Variants in FSHR observed in about 807,000 individuals in gnomAD.
The protein encoded by FSHR is follicle stimulating hormone receptor.
A neutral mutation model predicts 52.1 loss-of-function variants in FSHR; 46 were observed. The ratio of observed to expected loss-of-function variants is 0.88; its 90% CI spans 0.70 to 1.13. FSHR has a LOEUF of 1.13. Among genes scored for constraint, FSHR ranks in the 50% most tolerant of loss-of-function variants. The pLI, the probability that FSHR is intolerant of heterozygous loss-of-function variation, is 0.00. For missense variants in FSHR, 964 were observed against 834.6 expected (o/e 1.16, Z -1.91); for synonymous variants, 399 against 309.6 (o/e 1.29, Z -3.03).
At chr2:49,138,573 T>C (rs1465147984) in intron 1 of FSHR, among the ~76,000 whole-genome samples, 2 of 152,158 alleles carry the variant, frequency 1.3e-5, no homozygotes, top group Admixed American at 1.3e-4. Context: ...CTTGAAAATA[T>C]TATCCTAAGT....
intron 1 of FSHR, among the ~76,000 whole-genome samples, chr2:49,102,887 A>G (rs940063544): frequency 1.3e-5 from 2 of 152,168 alleles, no homozygotes; most frequent in East Asian, 3.8e-4. Context: ...AGTGAGATCA[A>G]GGATGGAAAG....
At chr2:48,996,247 T>C (rs1676018161) in intron 4 of FSHR, among the ~76,000 whole-genome samples, 1 of 152,134 alleles carries the variant, frequency 6.6e-6, no homozygotes, top group Non-Finnish European at 1.5e-5. Flanking sequence ...CTGACCATTC[T>C]GAGAGAAGTT....
chr2:49,094,825 CA>C (rs1390657519), intron 1 of FSHR, among the ~76,000 whole-genome samples: 1 of 151,640 alleles, frequency 6.6e-6, no homozygotes, highest in Non-Finnish European at 1.5e-5. Flanking sequence ...AATAGAAAAA[CA>C]ATATAAAAAA....
intron 6 of FSHR, among the ~76,000 whole-genome samples, chr2:48,986,884 A>G (rs1675538828): frequency 6.6e-6 from 1 of 152,220 alleles, no homozygotes; most frequent in African/African-American, 2.4e-5. Context: ...AGAACAATAT[A>G]AGCACACTAT....
intron 1 of FSHR, among the ~76,000 whole-genome samples, chr2:49,132,986 A>AAAAAAAAAAAAAAAAAAAAAAAAG (rs1672343708): frequency 6.7e-6 from 1 of 149,596 alleles, no homozygotes; most frequent in African/African-American, 2.5e-5. Context: ...AAAAAAAAAA[A>AAAAAAAAAAAAAAAAAAAAAAAAG]AAAAAAAAAG....
chr2:49,059,988 A>G (rs1163628171), intron 2 of FSHR, among the ~76,000 whole-genome samples: 2 of 152,000 alleles, frequency 1.3e-5, no homozygotes, highest in African/African-American at 4.8e-5. Flanking sequence ...AGAATATATA[A>G]GAAACTCAAA....
rs1558395132 is a variant in FSHR, at chr2:49,021,834, TCTCTC to T, written c.225-1679_225-1675del. Among the ~76,000 whole-genome samples the T allele has an allele frequency of 6.7e-3, 161 of 24,120 alleles. 2 individuals are homozygous for T. The highest frequency in any genetic ancestry group is 0.015 in the African/African-American group (125 of 8,306). 15.8% of individuals were successfully genotyped at this position (24,120 alleles called of 152,430 possible). On this transcript the variant is annotated intron_variant, in intron 2 of 9. Transcript: ENST00000406846. The stretch of plus-strand genomic sequence containing the variant: ...TAAATAAGGGTGGGGTATGTGTTTC[TCTCTC>T]TCTCTCTCTCTCTCTCTCTCTCTCT...
At chr2:49,086,302 T>A (rs1479122175) in intron 1 of FSHR, among the ~76,000 whole-genome samples, 2 of 152,112 alleles carry the variant, frequency 1.3e-5, no homozygotes, top group Non-Finnish European at 2.9e-5. Context: ...AAATTGCAGA[T>A]TTATGGCTTC....
At chr2:49,060,393 A>G (rs1270188731) in intron 2 of FSHR, among the ~76,000 whole-genome samples, 3 of 152,162 alleles carry the variant, frequency 2.0e-5, no homozygotes, top group African/African-American at 7.2e-5. Context: ...TACCTTGACC[A>G]CTCAGAGAAG....
At chr2:49,099,974 C>T (rs1456907014) in intron 1 of FSHR, among the ~76,000 whole-genome samples, 1 of 152,044 alleles carries the variant, frequency 6.6e-6, no homozygotes, top group East Asian at 1.9e-4. Context: ...AAATCCAAAG[C>T]TAAGGAAGGG....
chr2:48,962,626 T>C lies in FSHR; in HGVS notation c.*107A>G. On this transcript the variant is annotated 3_prime_UTR_variant, in exon 10 of 10. Coordinates refer to ENST00000406846, the MANE Select transcript of FSHR (RefSeq NM_000145.4). The stretch of plus-strand genomic sequence containing the variant: ...TTACCTTAAAGGTATGCCAGGAATA[T>C]TAAATTAGATGAAATGTGTAGAAGC... 1 of 1,158,000 alleles carries C rather than the reference T, an allele frequency of 8.6e-7. No individual in the cohort carries two copies. The highest frequency in any genetic ancestry group is 1.3e-6 in the Non-Finnish European group (1 of 784,250). 71.7% of individuals were successfully genotyped at this position (1,158,000 alleles called of 1,614,324 possible). A position where few individuals can be genotyped will look rare whatever the true frequency, so the allele number is the denominator to read the frequency against.
At chr2:49,020,958 G>T (rs950963875) in intron 2 of FSHR, among the ~76,000 whole-genome samples, 3 of 152,092 alleles carry the variant, frequency 2.0e-5, no homozygotes, top group Non-Finnish European at 4.4e-5. Context: ...TTGAGGGAGG[G>T]AGAGCATTAG....
intron 1 of FSHR, among the ~76,000 whole-genome samples, chr2:49,075,840 A>G (rs773228664): frequency 5.3e-5 from 8 of 151,960 alleles, no homozygotes; most frequent in Non-Finnish European, 8.8e-5. Context: ...GGGTTTTACC[A>G]TATTGCCCAG....
chr2:49,023,890 A>C (rs1667828418), intron 2 of FSHR, among the ~76,000 whole-genome samples: 2 of 152,130 alleles, frequency 1.3e-5, no homozygotes, highest in South Asian at 2.1e-4. Context: ...TGGGTTTCAG[A>C]GCCATTATGA....
rs565690976 is a variant in FSHR, at chr2:49,020,891, G to C, written c.225-731C>G. ...CTTATAAGTGGGAGCTAAACAATGA[G>C]AACACATGAACACAGGGAGGGGAAC... On this transcript the variant is annotated intron_variant, in intron 2 of 9. Transcript: ENST00000406846. Among the ~76,000 whole-genome samples the C allele has an allele frequency of 2.0e-4, 30 of 152,192 alleles. No homozygotes were observed. The East Asian group carries it at 5.8e-3, about 29-fold the overall frequency.
At chr2:49,046,731 G>A (rs373825139) in intron 2 of FSHR, among the ~76,000 whole-genome samples, 87 of 152,278 alleles carry the variant, frequency 5.7e-4, no homozygotes, top group African/African-American at 2.0e-3. Flanking sequence ...CACACATTTT[G>A]TAGCTCAAGA....
chr2:49,018,595 G>A (rs1667581668), intron 3 of FSHR, among the ~76,000 whole-genome samples: 1 of 152,196 alleles, frequency 6.6e-6, no homozygotes, highest in South Asian at 2.1e-4. Context: ...CAGAGGGCTG[G>A]CTGCCCTTTG....
intron 2 of FSHR, among the ~76,000 whole-genome samples, chr2:49,038,407 G>A (rs1023368376): frequency 4.6e-5 from 7 of 151,834 alleles, no homozygotes. Context: ...GGATCACGAG[G>A]TCAGGAGATC....
At chr2:49,099,201 T>G (rs1020540978) in intron 1 of FSHR, among the ~76,000 whole-genome samples, 6 of 151,984 alleles carry the variant, frequency 3.9e-5, no homozygotes, top group Non-Finnish European at 7.4e-5. Flanking sequence ...AATTCCCACA[T>G]GTTGTGGGAG....
Sources: allele counts gnomAD v4.1 joint callset (sites outside exome capture counted in the v4.1 genomes callset), GRCh38; gene constraint gnomAD v4.1.1; transcripts MANE v1.5; gene names NCBI Gene and HGNC (gene_info 2026-07-23, HGNC 2026-07-21).